The following CORIN variants were observed in gnomAD, a reference collection of about 807,000 sequenced individuals.
CORIN encodes the protein atrial natriuretic peptide-converting enzyme.
Under a neutral mutation model 125.3 loss-of-function variants are expected in CORIN, and 117 were observed. That is an observed-to-expected ratio of 0.93 (90% CI 0.80 to 1.09). The LOEUF is 1.09. CORIN is among the 50% of genes least tolerant of loss of function. The probability of loss-of-function intolerance (pLI) is 0.00; values close to 1 mark genes in which losing one functional copy is unlikely to be tolerated. For missense variants in CORIN, 1,253 were observed against 1,306.7 expected (o/e 0.96, Z 0.63); for synonymous variants, 450 against 466.4 (o/e 0.96, Z 0.45).
intron 12 of CORIN, among the ~76,000 whole-genome samples, chr4:47,657,301 A>G (rs1208133914): frequency 6.6e-6 from 1 of 152,162 alleles, no homozygotes; most frequent in Non-Finnish European, 1.5e-5. Context: ...TGGGAGGCCA[A>G]GGTGGGTGGA....
chr4:47,676,767 G>A (rs952625863), intron 9 of CORIN, among the ~76,000 whole-genome samples: 1 of 152,120 alleles, frequency 6.6e-6, no homozygotes, highest in Non-Finnish European at 1.5e-5. Context: ...TACAAAGCCT[G>A]CCATTTCATC....
chr4:47,727,630 C>T (rs1243935234), intron 5 of CORIN, among the ~76,000 whole-genome samples: 1 of 151,894 alleles, frequency 6.6e-6, no homozygotes, highest in African/African-American at 2.4e-5. Flanking sequence ...AGATATTACA[C>T]TGTAATGAAA....
intron 19 of CORIN, among the ~76,000 whole-genome samples, chr4:47,607,602 C>T (rs1008255251): frequency 6.8e-6 from 1 of 146,674 alleles, no homozygotes; most frequent in Admixed American, 6.7e-5. Flanking sequence ...AAAAACCCAA[C>T]CTGTTGTTTG....
At position 47,746,541 on chromosome 4, in the gene CORIN, C is replaced by CT. The variant is rs750351600; in HGVS notation, c.618-1959dup. On this transcript the variant is annotated intron_variant, in intron 4 of 21. Transcript: ENST00000273857. ...CATGTCTTGAAAGCACAACGCAAAT[C>CT]TTTTTTTTTTTTTCAAATGGAGTCT... Among the ~76,000 whole-genome samples the CT allele has an allele frequency of 7.6e-3, 1,096 of 144,652 alleles. 13 individuals are homozygous for CT. Among genetic ancestry groups the CT allele is most frequent in the African/African-American group, 0.024 (948 of 39,632 alleles). 94.9% of individuals were successfully genotyped at this position (144,652 alleles called of 152,430 possible).
chr4:47,612,009 T>G (rs1721889135), intron 19 of CORIN, among the ~76,000 whole-genome samples: 1 of 152,224 alleles, frequency 6.6e-6, no homozygotes, highest in South Asian at 2.1e-4. Flanking sequence ...TCAGGGATAT[T>G]GGCCTGAAGT....
intron 5 of CORIN, among the ~76,000 whole-genome samples, chr4:47,707,713 G>C (rs1270794394): frequency 6.6e-6 from 1 of 152,150 alleles, no homozygotes; most frequent in Non-Finnish European, 1.5e-5. Flanking sequence ...TGAGAAAATA[G>C]GAAAGGGTGG....
intron 19 of CORIN, among the ~76,000 whole-genome samples, chr4:47,604,377 T>C (rs187395199): frequency 6.6e-6 from 1 of 152,314 alleles, no homozygotes; most frequent in Admixed American, 6.5e-5. Context: ...CTTGATTTCA[T>C]CTAGTCCAAT....
chr4:47,712,184 A>G (rs2109779289), intron 5 of CORIN, among the ~76,000 whole-genome samples: 1 of 152,338 alleles, frequency 6.6e-6, no homozygotes, highest in African/African-American at 2.4e-5. Flanking sequence ...ACATTATTAA[A>G]CCGGCATCAT....
chr4:47,609,905 T>G (rs1721806442), intron 19 of CORIN, among the ~76,000 whole-genome samples: 1 of 152,212 alleles, frequency 6.6e-6, no homozygotes, highest in African/African-American at 2.4e-5. Flanking sequence ...CCTTCCAGCT[T>G]CATCCATGTC....
intron 19 of CORIN, among the ~76,000 whole-genome samples, chr4:47,619,193 G>A (rs1332286818): frequency 1.3e-5 from 2 of 152,120 alleles, no homozygotes; most frequent in African/African-American, 2.4e-5. Context: ...AGGACATATG[G>A]GGCTTGATCT....
rs1731720106 is a variant in CORIN, at chr4:47,805,129, C to T, written c.208+1774G>A. Among the ~76,000 whole-genome samples the T allele has an allele frequency of 2.3e-5, 3 of 129,502 alleles. No homozygotes were observed. The South Asian group carries it at 7.3e-4, about 31-fold the overall frequency. 85.0% of individuals were successfully genotyped at this position (129,502 alleles called of 152,430 possible). On this transcript the variant is annotated intron_variant, in intron 2 of 21. Coordinates refer to ENST00000273857, the MANE Select transcript of CORIN (RefSeq NM_006587.4). ...CCAGCCTGGGCAACACAGCGAGACT[C>T]CATCTCAAAAAAAAAAAAAAATAAT...
chr4:47,678,313 G>T (rs1725118354), intron 8 of CORIN, among the ~76,000 whole-genome samples: 1 of 152,162 alleles, frequency 6.6e-6, no homozygotes, highest in Non-Finnish European at 1.5e-5. Context: ...TAATAAAAAT[G>T]ACAATTTGTA....
At chr4:47,644,983 G>A in intron 14 of CORIN, 98 bp downstream of exon 14, 2 of 638,042 alleles carry the variant, frequency 3.1e-6, no homozygotes, top group South Asian at 4.4e-5. Context: ...TAAAAGATTT[G>A]TATGCATATT....
chr4:47,708,186 C>G (rs145924538), intron 5 of CORIN, among the ~76,000 whole-genome samples: 1 of 152,296 alleles, frequency 6.6e-6, no homozygotes, highest in East Asian at 1.9e-4. Context: ...TGGCTGAAAA[C>G]GACAGAAATT....
At chr4:47,815,715 C>T (rs1457329817) in intron 1 of CORIN, among the ~76,000 whole-genome samples, 1 of 151,982 alleles carries the variant, frequency 6.6e-6, no homozygotes, top group East Asian at 1.9e-4. Flanking sequence ...AGTTTTTCAG[C>T]CTATATTTTT....
At position 47,747,828 on chromosome 4, in the gene CORIN, A is replaced by T. The variant is rs553298503; in HGVS notation, c.618-3245T>A. On this transcript the variant is annotated intron_variant, in intron 4 of 21. Transcript: ENST00000273857. Reference sequence around the variant, plus strand: ...AGGTTTTGGAAGAGCTGGAGTTTGGACCATTTTTCATAGTCCTTTTACTAC... The same window carrying T: ...AGGTTTTGGAAGAGCTGGAGTTTGGTCCATTTTTCATAGTCCTTTTACTAC... Among the ~76,000 whole-genome samples, 8 of 152,250 alleles carry T rather than the reference A, an allele frequency of 5.3e-5. 1 individual carries two copies. The highest frequency in any genetic ancestry group is 2.6e-4 in the Admixed American group (4 of 15,284).
intron 1 of CORIN, among the ~76,000 whole-genome samples, chr4:47,831,186 C>T (rs910263475): frequency 1.3e-5 from 2 of 152,216 alleles, no homozygotes; most frequent in Admixed American, 1.3e-4. Flanking sequence ...TAAGCATTGA[C>T]ACTGCATTTG....
At chr4:47,732,065 T>C (rs1727900147) in intron 5 of CORIN, among the ~76,000 whole-genome samples, 1 of 152,046 alleles carries the variant, frequency 6.6e-6, no homozygotes, top group Non-Finnish European at 1.5e-5. Flanking sequence ...GGATGATAGA[T>C]AGATTTAAGA....
intron 6 of CORIN, among the ~76,000 whole-genome samples, chr4:47,685,905 C>T (rs1320873141): frequency 2.0e-5 from 3 of 150,418 alleles, no homozygotes; most frequent in Non-Finnish European, 4.4e-5. Flanking sequence ...AAATAGGGCA[C>T]GTTTGAAGAT....
Sources: allele counts gnomAD v4.1 joint callset (sites outside exome capture counted in the v4.1 genomes callset), GRCh38; gene constraint gnomAD v4.1.1; transcripts MANE v1.5; gene names NCBI Gene and HGNC (gene_info 2026-07-23, HGNC 2026-07-21).